Variants in PCDHGB4 observed in about 807,000 individuals in gnomAD.
The protein encoded by PCDHGB4 is protocadherin gamma-B4.
In PCDHGB4, 38 loss-of-function variants were observed where a neutral mutation model predicts 60.5. That is an observed-to-expected ratio of 0.63 (90% CI 0.48 to 0.82). The LOEUF is 0.82. Ranked by LOEUF, PCDHGB4 falls within the 40% of genes least tolerant of loss-of-function variation. The pLI, the probability that PCDHGB4 is intolerant of heterozygous loss-of-function variation, is 0.00. For missense variants in PCDHGB4, 1,109 were observed against 1,209.6 expected (o/e 0.92, Z 1.23); for synonymous variants, 456 against 509.7 (o/e 0.89, Z 1.42).
chr5:141,487,661 C>A lies in PCDHGB4; in HGVS notation c.2398-7146C>A. ...ACAAATGCTTGAGGGTTATTCTGATCCAGGCATATGGCTAGGCCATGTCCT... is the reference window on the plus strand; with the variant it reads ...ACAAATGCTTGAGGGTTATTCTGATACAGGCATATGGCTAGGCCATGTCCT... On this transcript the variant is annotated intron_variant, in intron 1 of 3. Transcript: ENST00000519479. This position sits in a 1 kb window ranked among gnomAD's most constrained non-coding sequence, Gnocchi z 5.0. The A allele has an allele frequency of 6.2e-7, 1 of 1,613,366 alleles. No homozygotes were observed. Among genetic ancestry groups the A allele is most frequent in the Non-Finnish European group, 8.5e-7 (1 of 1,179,646 alleles).
intron 1 of PCDHGB4, chr5:141,405,569 A>G: frequency 1.7e-6 from 1 of 604,184 alleles, no homozygotes. Context: ...GGACTAGAGT[A>G]GAGTAGCTGG....
At chr5:141,415,157 C>T in intron 1 of PCDHGB4, 1 of 1,613,864 alleles carries the variant, frequency 6.2e-7, no homozygotes, top group Non-Finnish European at 8.5e-7. Flanking sequence ...CTCTCCGCCA[C>T]TGTCACGCTC....
At chr5:141,478,269 A>G in intron 1 of PCDHGB4, 1 of 1,614,146 alleles carries the variant, frequency 6.2e-7, no homozygotes, top group Non-Finnish European at 8.5e-7. Flanking sequence ...TTCAAAGTTT[A>G]CAAGTGGAAG....
In PCDHGB4 at chr5:141,511,106, G is replaced by A. The variant is rs536900646; in HGVS notation, c.2705G>A (p.Arg902Gln). 4.6e-5 allele frequency: 75 copies of A among 1,614,196 alleles called. No individual in the cohort carries two copies. In the East Asian group the frequency reaches 5.8e-4, roughly 12 times the overall value. Reference protein sequence around the residue: ...NATLTNAAGKRDGKAPAGGNG... With the variant: ...NATLTNAAGKQDGKAPAGGNG... ...ACACTGACCAACGCAGCTGGCAAGC[G>A]GGATGGCAAGGCCCCAGCAGGTGGC... The change falls in exon 4 of 4, where the codon CGG (arginine) becomes CAG (glutamine). Residue 902 changes from arginine (R) to glutamine (Q), a missense_variant. Around this residue, in one of 2 missense-constraint regions of PCDHGB4, gnomAD observed 1,068 missense variants for 1,089.9 expected, o/e 0.98. Coordinates refer to ENST00000519479, the MANE Select transcript of PCDHGB4 (RefSeq NM_003736.4).
At chr5:141,502,035 G>C (rs1371892057) in intron 2 of PCDHGB4, among the ~76,000 whole-genome samples, 1 of 152,078 alleles carries the variant, frequency 6.6e-6, no homozygotes, top group Non-Finnish European at 1.5e-5. Context: ...CCCGCCGCTT[G>C]CCTGCTCTCC....
intron 1 of PCDHGB4, chr5:141,421,239 G>A (rs773410079): frequency 6.3e-7 from 1 of 1,599,000 alleles, no homozygotes; most frequent in South Asian, 1.1e-5. Context: ...TGGCGAATCG[G>A]CTACAGCGCG....
chr5:141,395,248 T>A, intron 1 of PCDHGB4: 1 of 1,561,360 alleles, frequency 6.4e-7, no homozygotes, highest in Non-Finnish European at 8.7e-7. Flanking sequence ...GTGAGTTTAG[T>A]TCTTTGCTTG....
intron 1 of PCDHGB4, among the ~76,000 whole-genome samples, chr5:141,435,592 C>T (rs573084790): frequency 1.3e-5 from 2 of 152,060 alleles, no homozygotes; most frequent in African/African-American, 2.4e-5. Flanking sequence ...GCAGTAATAT[C>T]GCCTGCTTTT....
chr5:141,454,880 T>C (rs1561957456), intron 1 of PCDHGB4, among the ~76,000 whole-genome samples: 1 of 137,862 alleles, frequency 7.3e-6, no homozygotes, highest in Non-Finnish European at 1.5e-5. Flanking sequence ...CGATCTTGGC[T>C]CACTGCTAGC....
intron 3 of PCDHGB4, among the ~76,000 whole-genome samples, chr5:141,509,808 G>A (rs905531504): frequency 3.9e-5 from 6 of 152,028 alleles, no homozygotes; most frequent in Non-Finnish European, 7.4e-5. Context: ...TCATAGAGCC[G>A]AGCTCTTCTC....
Position 141,497,143 on chromosome 5 carries a change from G to GA in PCDHGB4, c.2456+2287dup, listed in dbSNP as rs928640875. ...AGAGGTTGCAGTGAGCTGAGATCAC[G>GA]AAAAAAAAATAATCTAGCCACAAAT... On this transcript the variant is annotated intron_variant, in intron 2 of 3. Coordinates refer to ENST00000519479, the MANE Select transcript of PCDHGB4 (RefSeq NM_003736.4). 1.3e-3 allele frequency among the ~76,000 whole-genome samples: 194 copies of GA among 150,104 alleles called. 4 individuals are homozygous for GA. The highest frequency in any genetic ancestry group is 7.6e-3 in the Admixed American group (115 of 15,100).
At chr5:141,503,736 T>C (rs1381045077) in intron 2 of PCDHGB4, among the ~76,000 whole-genome samples, 4 of 152,202 alleles carry the variant, frequency 2.6e-5, no homozygotes, top group African/African-American at 9.6e-5. Context: ...TTTGTTGTGA[T>C]GGTATAGAGG....
At chr5:141,394,635 C>T (rs754317215) in intron 1 of PCDHGB4, 1 of 1,613,428 alleles carries the variant, frequency 6.2e-7, no homozygotes, top group Non-Finnish European at 8.5e-7. Context: ...GTCCTACCGC[C>T]TGCTCAAGGC....
In PCDHGB4 at chr5:141,511,070, G is replaced by A. The variant is rs1341623011; in HGVS notation, c.2669G>A (p.Gly890Asp). ...PDYRQNVYIP[G>D]SNATLTNAAG... ...TACCGCCAGAATGTCTACATCCCAG[G>A]CAGCAATGCCACACTGACCAACGCA... The change falls in exon 4 of 4, where the codon GGC (glycine) becomes GAC (aspartate). Residue 890 changes from glycine to aspartate, a missense_variant. Physicochemically the swap from Gly to Asp is moderately conservative, Grantham distance 94 (BLOSUM62 -1). Transcript: ENST00000519479. 2.5e-6 allele frequency: 4 copies of A among 1,614,218 alleles called. No homozygotes were observed. Among genetic ancestry groups the A allele is most frequent in the Admixed American group, 1.7e-5 (1 of 60,030 alleles).
Position 141,393,095 on chromosome 5 carries a change from G to A in PCDHGB4, c.2397+2814G>A, listed in dbSNP as rs1057103671. On this transcript the variant is annotated intron_variant, in intron 1 of 3. Transcript: ENST00000519479. ...CCGCGGGCAGGATAGATCGGGAGGA[G>A]CTCTGCGCTCAGAGCCCGCGGTGTC... The A allele has an allele frequency of 3.1e-6, 5 of 1,613,520 alleles. No homozygotes were observed. The East Asian group carries it at 8.9e-5, about 29-fold the overall frequency.
In PCDHGB4 at chr5:141,476,784, C is replaced by A; in HGVS notation, c.2398-18023C>A. 1 of 1,613,520 alleles carries A rather than the reference C, an allele frequency of 6.2e-7. No homozygotes were observed. On this transcript the variant is annotated intron_variant, in intron 1 of 3. Transcript: ENST00000519479. The surrounding 1 kb of genome is among the most constrained non-coding windows in gnomAD (Gnocchi z 7.6). ...ACGGCGTTGGACGGAGGGACCCCAGCTCTCTCCGCCAGCCTGCCTATTCAC... is the reference window on the plus strand; with the variant it reads ...ACGGCGTTGGACGGAGGGACCCCAGATCTCTCCGCCAGCCTGCCTATTCAC...
intron 1 of PCDHGB4, among the ~76,000 whole-genome samples, chr5:141,468,921 G>A (rs1254189500): frequency 6.6e-6 from 1 of 151,342 alleles, no homozygotes; most frequent in African/African-American, 2.4e-5. Context: ...GAAGAGAATA[G>A]CACTAAAATG....
chr5:141,415,455 G>A (rs571718366), intron 1 of PCDHGB4: 2 of 1,614,186 alleles, frequency 1.2e-6, no homozygotes, highest in African/African-American at 1.3e-5. Context: ...ATTCCCACGA[G>A]GTCTCTCTCA....
At position 141,502,499 on chromosome 5, in the gene PCDHGB4, C is replaced by T. The variant is rs552402476; in HGVS notation, c.2457-2894C>T. ...CATCACACTGGGACTCATCTAACGT[C>T]GGCCTGTCCCACTATCAGTGATGCC... On this transcript the variant is annotated intron_variant, in intron 2 of 3. Coordinates refer to ENST00000519479, the MANE Select transcript of PCDHGB4 (RefSeq NM_003736.4). Among the ~76,000 whole-genome samples, 24 of 152,240 alleles carry T rather than the reference C, an allele frequency of 1.6e-4. No homozygotes were observed. In the East Asian group the frequency reaches 4.1e-3, roughly 26 times the overall value.
Sources: gnomAD v4.1 joint callset for allele counts (sites outside exome capture counted in the v4.1 genomes callset) on GRCh38, gnomAD v4.1.1 for gene constraint, gnomAD v4.1.1 regional missense constraint, Gnocchi (gnomAD v3.1) non-coding constraint, MANE v1.5 for transcripts, NCBI Gene and HGNC (gene_info 2026-07-23, HGNC 2026-07-21) for gene names.